The following GBP6 variants were observed in gnomAD, a reference collection of about 807,000 sequenced individuals.
The protein encoded by GBP6 is guanylate-binding protein 6.
GBP6 carries 54 observed loss-of-function variants against 61.5 expected under a neutral mutation model. That is an observed-to-expected ratio of 0.88 (90% CI 0.71 to 1.10). The LOEUF (loss-of-function observed/expected upper bound fraction) is 1.10. Among genes scored for constraint, GBP6 ranks in the 50% least tolerant of loss-of-function variants. The pLI is 0.00. For synonymous variants in GBP6, 255 were observed against 273.7 expected (o/e 0.93, Z 0.67); for missense variants, 748 against 752.8 (o/e 0.99, Z 0.07).
chr1:89,378,298 T>C, intron 4 of GBP6, 86 bp downstream of exon 4: 2 of 1,521,762 alleles, frequency 1.3e-6, no homozygotes, highest in Non-Finnish European at 1.8e-6. Context: ...TTCCCTTTGA[T>C]GTAATTACCT....
intron 3 of GBP6, among the ~76,000 whole-genome samples, chr1:89,370,995 C>T (rs564708986): frequency 6.6e-6 from 1 of 152,146 alleles, no homozygotes; most frequent in Non-Finnish European, 1.5e-5. Context: ...TTCTTCATTT[C>T]TCGCATCCCC....
rs1653143829 is a variant in GBP6 at position 89,386,307 on chromosome 1, A to C, written c.*838A>C. The stretch of plus-strand genomic sequence containing the variant: ...TTATTGGCTCCTTCTGGGAAGAACC[A>C]AGTGAATGTAGGGGTTGAAGGAACA... On this transcript the variant is annotated 3_prime_UTR_variant, in exon 11 of 11. Coordinates refer to ENST00000370456, the MANE Select transcript of GBP6 (RefSeq NM_198460.3). 6.6e-6 allele frequency: 1 copy of C among 152,204 alleles called. No individual in the cohort carries two copies. Among genetic ancestry groups the C allele is most frequent in the Non-Finnish European group, 1.5e-5 (1 of 68,028 alleles). The allele number at this position is 152,204 out of a possible 1,614,324, so 9.4% of individuals were successfully genotyped here. A position where few individuals can be genotyped will look rare whatever the true frequency, so the allele number is the denominator to read the frequency against.
chr1:89,369,842 G>A (rs77072440), intron 3 of GBP6, among the ~76,000 whole-genome samples, 169 bp downstream of exon 3: 3,025 of 152,314 alleles, frequency 0.02, 56 homozygotes, highest in South Asian at 0.041. Flanking sequence ...GGTATATTAG[G>A]TAAAACATTC....
chr1:89,379,409 C>G (rs1273919632), intron 5 of GBP6, among the ~76,000 whole-genome samples: 1 of 152,046 alleles, frequency 6.6e-6, no homozygotes, highest in South Asian at 2.1e-4. Flanking sequence ...AATACATCAA[C>G]ATGTTACACA....
intron 3 of GBP6, among the ~76,000 whole-genome samples, chr1:89,377,398 G>A (rs1012536733): frequency 6.6e-6 from 1 of 152,000 alleles, no homozygotes; most frequent in African/African-American, 2.4e-5. Flanking sequence ...ACATTCTATC[G>A]ATTTTTTAAC....
chr1:89,385,072 T>G (rs1201520525), intron 10 of GBP6, among the ~76,000 whole-genome samples, 158 bp from the exon 11 acceptor site: 6 of 152,218 alleles, frequency 3.9e-5, no homozygotes, highest in Non-Finnish European at 8.8e-5. Context: ...TTATAAACTA[T>G]GCTTCCTCAC....
At chr1:89,383,530 G>A (rs1450407478) in intron 8 of GBP6, 122 bp from the exon 9 acceptor site, 1 of 689,070 alleles carries the variant, frequency 1.5e-6, no homozygotes, top group East Asian at 2.7e-5. Context: ...ACACTTTGTA[G>A]GGGGCCACTT....
At chr1:89,371,202 C>T (rs537314367) in intron 3 of GBP6, among the ~76,000 whole-genome samples, 4 of 152,198 alleles carry the variant, frequency 2.6e-5, no homozygotes, top group East Asian at 1.9e-4. Context: ...TATATATAGA[C>T]GGATTCGCAG....
chr1:89,381,522 T>C (rs1026187048), intron 6 of GBP6, among the ~76,000 whole-genome samples, 172 bp from the exon 7 acceptor site: 1 of 151,920 alleles, frequency 6.6e-6, no homozygotes, highest in Non-Finnish European at 1.5e-5. Context: ...AATTGAAGAG[T>C]CATTATGAAA....
intron 3 of GBP6, among the ~76,000 whole-genome samples, chr1:89,373,864 A>G (rs1359249132): frequency 1.3e-5 from 2 of 151,908 alleles, no homozygotes; most frequent in Non-Finnish European, 2.9e-5. Flanking sequence ...TATGCATGCT[A>G]TGGATAGTTT....
At chr1:89,366,423 T>G (rs1243765197) in intron 1 of GBP6, among the ~76,000 whole-genome samples, 1 of 152,202 alleles carries the variant, frequency 6.6e-6, no homozygotes, top group African/African-American at 2.4e-5. Flanking sequence ...CATCCCATAG[T>G]GGATCCTTTC....
Position 89,385,290 on chromosome 1 carries a change from A to G in GBP6, c.1723A>G (p.Ile575Val), listed in dbSNP as rs753547729. 1 of 1,613,872 alleles carries G rather than the reference A, an allele frequency of 6.2e-7. No individual in the cohort carries two copies. Among genetic ancestry groups the G allele is most frequent in the African/African-American group, 1.3e-5 (1 of 74,926 alleles). Residue 575 changes from isoleucine (I) to valine (V), a missense_variant, in exon 11 of 11, where the codon ATA (isoleucine) becomes GTA (valine). By Grantham distance (29) the Ile-to-Val change is conservative. Transcript: ENST00000370456. ...GAAGTATGAGGAGATGAATGCAGAG[A>G]TAAGTCAATTTAAACGTATGATTGA... is the stretch of plus-strand genomic sequence containing the variant. ...KKKYEEMNAE[I>V]SQFKRMIDTT... is the part of the protein sequence containing the mutation.
chr1:89,373,421 T>C lies in GBP6; in HGVS notation c.318+3748T>C, dbSNP rs1348379029. 3.9e-5 allele frequency among the ~76,000 whole-genome samples: 6 copies of C among 152,290 alleles called. No homozygotes were observed. The East Asian group carries it at 5.8e-4, about 15-fold the overall frequency. On this transcript the variant is annotated intron_variant, in intron 3 of 10. Coordinates refer to ENST00000370456, the MANE Select transcript of GBP6 (RefSeq NM_198460.3). ...CAAAGACTTGGAACCAACCCAGATG[T>C]CCATCAGTGATAGACTGGATTAAGA... is the stretch of plus-strand genomic sequence containing the variant.
At chr1:89,382,058 A>C in intron 7 of GBP6, 84 bp downstream of exon 7, 38 of 1,306,892 alleles carry the variant, frequency 2.9e-5, no homozygotes, top group Non-Finnish European at 3.6e-5. Flanking sequence ...ACCAATGCTC[A>C]TCTGTCACTG....
intron 6 of GBP6, 32 bp downstream of exon 6, chr1:89,380,663 T>C: frequency 6.2e-7 from 1 of 1,602,092 alleles, no homozygotes; most frequent in Non-Finnish European, 8.5e-7. Flanking sequence ...CTGTGGGGCC[T>C]CATGTGTGTT....
chr1:89,371,930 A>C (rs1295334319), intron 3 of GBP6, among the ~76,000 whole-genome samples: 1 of 152,236 alleles, frequency 6.6e-6, no homozygotes, highest in East Asian at 1.9e-4. Context: ...ATCTCAGCCC[A>C]AAATCTCCTT....
chr1:89,366,657 G>A (rs1339106610), intron 1 of GBP6, among the ~76,000 whole-genome samples: 1 of 152,158 alleles, frequency 6.6e-6, no homozygotes, highest in Non-Finnish European at 1.5e-5. Flanking sequence ...TAGGTTGCCC[G>A]ATTATCCAGG....
chr1:89,383,746 C>G lies in GBP6; in HGVS notation c.1460C>G (p.Ala487Gly). The G allele has an allele frequency of 6.2e-7, 1 of 1,607,360 alleles. No homozygotes were observed. The highest frequency in any genetic ancestry group is 1.1e-5 in the South Asian group (1 of 90,120). ...AAAGCCCTCACTGATAGAGAGAAGG[C>G]AGTAGCAGGTATGGGGCAGGGCTCA... ...SDKALTDREK[A>G]VAVDRAKKEA... Residue 487 changes from alanine (A) to glycine (G), a missense_variant, in exon 9 of 11, where the codon GCA (alanine) becomes GGA (glycine). Transcript: ENST00000370456.
chr1:89,381,727 C>A lies in GBP6; in HGVS notation c.905C>A (p.Ala302Asp). Residue 302 changes from alanine to aspartate, a missense_variant, in exon 7 of 11, where the codon GCC (alanine) becomes GAC (aspartate). Ala to Asp is a moderately radical substitution (Grantham distance 126). Coordinates refer to ENST00000370456, the MANE Select transcript of GBP6 (RefSeq NM_198460.3). ...LGTLAVTYVE[A>D]INSGAVPCLE... ...ACTCTGGCAGTGACTTATGTAGAGG[C>A]CATCAACAGTGGAGCAGTGCCTTGT... 6 of 1,613,884 alleles carry A rather than the reference C, an allele frequency of 3.7e-6. No homozygotes were observed. The highest frequency in any genetic ancestry group is 3.4e-6 in the Non-Finnish European group (4 of 1,179,866).
Sources: gnomAD v4.1 joint callset for allele counts (sites outside exome capture counted in the v4.1 genomes callset) on GRCh38, gnomAD v4.1.1 for gene constraint, MANE v1.5 for transcripts, NCBI Gene and HGNC (gene_info 2026-07-23, HGNC 2026-07-21) for gene names.